GALNTL6: variants seen among roughly 807,000 people sequenced by gnomAD.
GALNTL6 encodes the protein polypeptide N-acetylgalactosaminyltransferase like 6.
Under a neutral mutation model 73.7 loss-of-function variants are expected in GALNTL6, and 46 were observed. The observed-to-expected ratio is 0.62, with a 90% CI of 0.49 to 0.80. The LOEUF (loss-of-function observed/expected upper bound fraction) is 0.80, where lower values mean the gene tolerates loss of function less well. Ranked by LOEUF, GALNTL6 falls within the 30% of genes least tolerant of loss-of-function variation. The pLI is 0.00. For missense variants in GALNTL6, 604 were observed against 755.0 expected, an observed-to-expected ratio of 0.80 and a Z score of 2.34; for synonymous variants, 259 against 263.7, an observed-to-expected ratio of 0.98 and a Z score of 0.17.
At chr4:171,999,615 C>T (rs1478056587) in intron 2 of GALNTL6, among the ~76,000 whole-genome samples, 3 of 152,082 alleles carry the variant, frequency 2.0e-5, no homozygotes, top group African/African-American at 7.2e-5. Flanking sequence ...TTGAAAACAT[C>T]TAAAATGTTC....
intron 5 of GALNTL6, among the ~76,000 whole-genome samples, chr4:172,675,395 G>T (rs546001149): frequency 3.9e-5 from 6 of 152,326 alleles, no homozygotes; most frequent in Non-Finnish European, 5.9e-5. Flanking sequence ...GGATGCTGGG[G>T]TACCTGCCTC....
intron 7 of GALNTL6, among the ~76,000 whole-genome samples, chr4:172,851,208 C>T (rs1022558959): frequency 1.3e-5 from 2 of 152,004 alleles, no homozygotes; most frequent in Admixed American, 6.6e-5. Context: ...GATTTAAAAG[C>T]TCTGTGTCAG....
At chr4:172,089,716 T>A (rs1483519902) in intron 2 of GALNTL6, among the ~76,000 whole-genome samples, 1 of 152,188 alleles carries the variant, frequency 6.6e-6, no homozygotes, top group Non-Finnish European at 1.5e-5. Context: ...TTATTTGTAA[T>A]TATACTTTAA....
At chr4:172,299,111 G>A (rs902579034) in intron 3 of GALNTL6, among the ~76,000 whole-genome samples, 2 of 152,054 alleles carry the variant, frequency 1.3e-5, no homozygotes, top group African/African-American at 2.4e-5. Context: ...TGTATGTGTC[G>A]AGGAATTTAT....
intron 10 of GALNTL6, among the ~76,000 whole-genome samples, chr4:172,980,855 T>G (rs1751033806): frequency 6.6e-6 from 1 of 152,198 alleles, no homozygotes; most frequent in African/African-American, 2.4e-5. Context: ...TAACTTCCTA[T>G]TCACTCTCCC....
At chr4:172,537,024 A>G (rs994239225) in intron 5 of GALNTL6, among the ~76,000 whole-genome samples, 1 of 152,164 alleles carries the variant, frequency 6.6e-6, no homozygotes, top group African/African-American at 2.4e-5. Flanking sequence ...GAATGGGTGC[A>G]TTTACCCAAT....
At chr4:172,552,795 G>A (rs1398255051) in intron 5 of GALNTL6, among the ~76,000 whole-genome samples, 1 of 2,256 alleles carries the variant, frequency 4.4e-4, no homozygotes, top group African/African-American at 3.9e-3. Flanking sequence ...TAATATCAAC[G>A]GAGAATATCG....
intron 2 of GALNTL6, among the ~76,000 whole-genome samples, chr4:171,992,055 T>C (rs1463272096): frequency 6.6e-6 from 1 of 151,976 alleles, no homozygotes; most frequent in Non-Finnish European, 1.5e-5. Flanking sequence ...CCTTACAGCT[T>C]TTTGAATCAG....
chr4:171,953,380 G>T (rs1049873719), intron 2 of GALNTL6, among the ~76,000 whole-genome samples: 1 of 152,062 alleles, frequency 6.6e-6, no homozygotes, highest in East Asian at 1.9e-4. Context: ...ATTGGATCTG[G>T]AGTAGAAAAA....
intron 2 of GALNTL6, among the ~76,000 whole-genome samples, chr4:171,888,458 G>C (rs1377494123): frequency 6.6e-6 from 1 of 151,464 alleles, no homozygotes; most frequent in African/African-American, 2.4e-5. Context: ...CTCATATCCT[G>C]ACATAATCAA....
At chr4:172,085,390 A>G (rs1732001343) in intron 2 of GALNTL6, among the ~76,000 whole-genome samples, 1 of 152,120 alleles carries the variant, frequency 6.6e-6, no homozygotes, top group African/African-American at 2.4e-5. Flanking sequence ...TTATGTGATT[A>G]AAAATATGAA....
chr4:172,657,888 C>G (rs1418122546), intron 5 of GALNTL6, among the ~76,000 whole-genome samples: 1 of 151,694 alleles, frequency 6.6e-6, no homozygotes, highest in Non-Finnish European at 1.5e-5. Context: ...CCGTGGCTCA[C>G]GCCTGTAATC....
intron 5 of GALNTL6, among the ~76,000 whole-genome samples, chr4:172,769,215 A>G (rs1046494927): frequency 6.6e-6 from 1 of 152,130 alleles, no homozygotes; most frequent in Non-Finnish European, 1.5e-5. Flanking sequence ...TAGCACAATC[A>G]AGGCAGTGAT....
At chr4:172,405,913 T>C (rs183064250) in intron 5 of GALNTL6, among the ~76,000 whole-genome samples, 115 of 152,162 alleles carry the variant, frequency 7.6e-4, no homozygotes, top group Non-Finnish European at 1.3e-3. Flanking sequence ...CCAAGGATAT[T>C]GATAGTATTG....
At chr4:172,270,285 C>A (rs1341036616) in intron 3 of GALNTL6, among the ~76,000 whole-genome samples, 1 of 151,692 alleles carries the variant, frequency 6.6e-6, no homozygotes, top group Non-Finnish European at 1.5e-5. Flanking sequence ...ATGTTTTTTT[C>A]ATTCAGTAAT....
chr4:172,366,853 A>G (rs1212218790), intron 5 of GALNTL6, among the ~76,000 whole-genome samples: 3 of 152,210 alleles, frequency 2.0e-5, no homozygotes, highest in Non-Finnish European at 4.4e-5. Flanking sequence ...TGCTACCAGC[A>G]TTCAGAAGTT....
intron 5 of GALNTL6, among the ~76,000 whole-genome samples, chr4:172,647,872 A>G (rs544554216): frequency 3.3e-5 from 5 of 152,296 alleles, no homozygotes; most frequent in African/African-American, 1.2e-4. Flanking sequence ...CAGTGGAAAC[A>G]GCCACAATAC....
chr4:172,850,005 G>T (rs892010840), intron 7 of GALNTL6, among the ~76,000 whole-genome samples: 4 of 152,158 alleles, frequency 2.6e-5, no homozygotes, highest in Non-Finnish European at 4.4e-5. Context: ...CTACGTGAGA[G>T]CATCTTTTGG....
At chr4:172,415,935 G>A (rs938762078) in intron 5 of GALNTL6, among the ~76,000 whole-genome samples, 14 of 152,100 alleles carry the variant, frequency 9.2e-5, no homozygotes, top group African/African-American at 2.9e-4. Flanking sequence ...TACCAGGCCT[G>A]GAACGTAGCA....
Sources: allele counts gnomAD v4.1 joint callset (sites outside exome capture counted in the v4.1 genomes callset), GRCh38; gene constraint gnomAD v4.1.1; transcripts MANE v1.5; gene names NCBI Gene and HGNC (gene_info 2026-07-23, HGNC 2026-07-21).